The following PRKD1 variants were observed in gnomAD, a reference collection of about 807,000 sequenced individuals.
PRKD1 encodes protein kinase D1.
A neutral mutation model predicts 95.9 loss-of-function variants in PRKD1; 63 were observed. The ratio of observed to expected loss-of-function variants is 0.66; its 90% CI spans 0.54 to 0.81. The LOEUF (loss-of-function observed/expected upper bound fraction) is 0.81. Among genes scored for constraint, PRKD1 ranks in the 30% least tolerant of loss-of-function variants. PRKD1 has a pLI of 0.00. For missense variants in PRKD1, 1,048 were observed against 1,165.3 expected, an observed-to-expected ratio of 0.90 and a Z score of 1.47; for synonymous variants, 425 against 423.1, an observed-to-expected ratio of 1.00 and a Z score of -0.05.
rs61215400 is a variant in PRKD1, at chr14:29,826,572, A to G, written c.264+100677T>C. Among the ~76,000 whole-genome samples, 308 of 122,628 alleles carry G rather than the reference A, an allele frequency of 2.5e-3. 30 individuals carry two copies. The highest frequency in any genetic ancestry group is 0.025 in the Middle Eastern group (4 of 160). The allele number at this position is 122,628 out of a possible 152,430, so 80.4% of individuals were successfully genotyped here. The stretch of plus-strand genomic sequence containing the variant: ...TACATATATATGATGGAATATATAT[A>G]TATACATATATATGATGAAAATATA... On this transcript the variant is annotated intron_variant, in intron 1 of 17. Transcript: ENST00000331968.
chr14:29,631,617 A>G (rs1880012569), intron 9 of PRKD1, among the ~76,000 whole-genome samples: 1 of 151,142 alleles, frequency 6.6e-6, no homozygotes, highest in African/African-American at 2.4e-5. Flanking sequence ...CTCCTGCCTC[A>G]GCCTCCCAAG....
intron 2 of PRKD1, among the ~76,000 whole-genome samples, chr14:29,698,838 A>T (rs751378397): frequency 6.6e-6 from 1 of 152,108 alleles, no homozygotes; most frequent in Non-Finnish European, 1.5e-5. Flanking sequence ...AGCCTGCACT[A>T]ACCTCATGAA....
intron 4 of PRKD1, chr14:29,650,163 T>C (rs1193010872): frequency 1.3e-5 from 2 of 152,206 alleles, no homozygotes; most frequent in Non-Finnish European, 2.9e-5. Flanking sequence ...TCTGTTGGGG[T>C]GTGAGTTTCA....
chr14:29,884,489 C>T (rs1287635966), intron 1 of PRKD1, among the ~76,000 whole-genome samples: 2 of 152,076 alleles, frequency 1.3e-5, no homozygotes, highest in Non-Finnish European at 2.9e-5. Flanking sequence ...ATTTTATACC[C>T]TCATGAACCT....
At chr14:29,712,476 G>A (rs1370329811) in intron 2 of PRKD1, among the ~76,000 whole-genome samples, 3 of 152,064 alleles carry the variant, frequency 2.0e-5, no homozygotes, top group African/African-American at 4.8e-5. Context: ...TTTATAACAT[G>A]AAAAATAATT....
intron 1 of PRKD1, among the ~76,000 whole-genome samples, chr14:29,879,611 T>C (rs529016942): frequency 2.6e-4 from 40 of 152,240 alleles, no homozygotes; most frequent in African/African-American, 8.9e-4. Context: ...TACCCAAATA[T>C]GTGGATGCAA....
At chr14:29,882,592 T>C (rs1428758097) in intron 1 of PRKD1, among the ~76,000 whole-genome samples, 1 of 152,228 alleles carries the variant, frequency 6.6e-6, no homozygotes, top group Admixed American at 6.5e-5. Context: ...TTCACAGTGC[T>C]GTGCAAAACA....
At chr14:29,784,569 C>G (rs1566599738) in intron 1 of PRKD1, among the ~76,000 whole-genome samples, 1 of 152,008 alleles carries the variant, frequency 6.6e-6, no homozygotes, top group Non-Finnish European at 1.5e-5. Context: ...CAATTACTTT[C>G]AAAAGGGTTT....
chr14:29,798,107 C>T (rs1407972233), intron 1 of PRKD1, among the ~76,000 whole-genome samples: 3 of 152,142 alleles, frequency 2.0e-5, no homozygotes, highest in African/African-American at 4.8e-5. Context: ...GTGAAGATGT[C>T]AACAGAAATT....
chr14:29,619,431 AATTT>A (rs994357072), intron 13 of PRKD1, among the ~76,000 whole-genome samples: 2 of 152,118 alleles, frequency 1.3e-5, no homozygotes, highest in African/African-American at 4.8e-5. Flanking sequence ...ATTCAACAAA[AATTT>A]ATTTAGCAGC....
chr14:29,881,225 C>A (rs1415168615), intron 1 of PRKD1, among the ~76,000 whole-genome samples: 2 of 152,138 alleles, frequency 1.3e-5, no homozygotes, highest in African/African-American at 4.8e-5. Context: ...TAATTGAATC[C>A]TGGGGACCGG....
chr14:29,811,562 T>C, intron 1 of PRKD1, among the ~76,000 whole-genome samples: 1 of 152,208 alleles, frequency 6.6e-6, no homozygotes, highest in East Asian at 1.9e-4. Flanking sequence ...GGCGGCCACA[T>C]CTATGCCCTG....
At chr14:29,643,037 T>C (rs1953844075) in intron 4 of PRKD1, among the ~76,000 whole-genome samples, 1 of 152,114 alleles carries the variant, frequency 6.6e-6, no homozygotes, top group Non-Finnish European at 1.5e-5. Flanking sequence ...ATTTAAAATT[T>C]CGTTTTTTAT....
chr14:29,785,231 A>T (rs1305050128), intron 1 of PRKD1, among the ~76,000 whole-genome samples: 4 of 151,396 alleles, frequency 2.6e-5, no homozygotes, highest in Non-Finnish European at 5.9e-5. Context: ...TATTGCCAAT[A>T]AAGACCTCTT....
chr14:29,726,248 C>G (rs922966592), intron 1 of PRKD1, among the ~76,000 whole-genome samples: 6 of 152,138 alleles, frequency 3.9e-5, no homozygotes, highest in Non-Finnish European at 7.4e-5. Context: ...GCTGCCCCTA[C>G]TGCATTCCAT....
chr14:29,709,043 A>G (rs999337205), intron 2 of PRKD1, among the ~76,000 whole-genome samples: 63 of 152,268 alleles, frequency 4.1e-4, no homozygotes, highest in African/African-American at 1.4e-3. Flanking sequence ...ATTGTTATTA[A>G]GCAAATTCCC....
At chr14:29,845,174 G>C (rs1316226049) in intron 1 of PRKD1, among the ~76,000 whole-genome samples, 1 of 152,118 alleles carries the variant, frequency 6.6e-6, no homozygotes, top group Admixed American at 6.5e-5. Flanking sequence ...CAATTCTAAA[G>C]ATACAAATGT....
chr14:29,898,567 T>C (rs1894211389), intron 1 of PRKD1, among the ~76,000 whole-genome samples: 1 of 152,098 alleles, frequency 6.6e-6, no homozygotes, highest in Admixed American at 6.5e-5. Context: ...CTGTGTCACT[T>C]TACTTAGCTA....
chr14:29,644,251 T>A (rs1173916036), intron 4 of PRKD1, among the ~76,000 whole-genome samples: 1 of 152,214 alleles, frequency 6.6e-6, no homozygotes, highest in Non-Finnish European at 1.5e-5. Context: ...TTAAGGAATA[T>A]TTTCCCCTGC....
Sources: gnomAD v4.1 joint callset for allele counts (sites outside exome capture counted in the v4.1 genomes callset) on GRCh38, gnomAD v4.1.1 for gene constraint, MANE v1.5 for transcripts, NCBI Gene and HGNC (gene_info 2026-07-23, HGNC 2026-07-21) for gene names.